PHF5A: variants seen among roughly 807,000 people sequenced by gnomAD.
PHF5A encodes PHD finger-like domain-containing protein 5A.
For synonymous variants in PHF5A, 52 were observed against 46.0 expected (o/e 1.13, Z -0.52); for missense variants, 24 against 140.6 (o/e 0.17, Z 4.19).
intron 2 of PHF5A, 28 bp from the exon 3 acceptor site, chr22:41,467,642 C>T: frequency 6.2e-7 from 1 of 1,612,518 alleles, no homozygotes; most frequent in Non-Finnish European, 8.5e-7. Context: ...GAGTCATGCT[C>T]ACAAGTTCTT....
intron 3 of PHF5A, among the ~76,000 whole-genome samples, chr22:41,465,836 C>T (rs2037862279): frequency 6.6e-6 from 1 of 152,002 alleles, no homozygotes; most frequent in Non-Finnish European, 1.5e-5. Flanking sequence ...GCCGAGATGG[C>T]GCCACTGCAC....
chr22:41,468,098 T>C (rs1438979058), intron 2 of PHF5A, 26 bp downstream of exon 2: 1 of 1,613,110 alleles, frequency 6.2e-7, no homozygotes, highest in Non-Finnish European at 8.5e-7. Flanking sequence ...GAAGGGTGGG[T>C]TGTTGGGACG....
chr22:41,463,168 G>A (rs1191612262), intron 3 of PHF5A, among the ~76,000 whole-genome samples: 1 of 151,704 alleles, frequency 6.6e-6, no homozygotes, highest in East Asian at 1.9e-4. Context: ...CACTGCCCCT[G>A]GCCTACTTAC....
chr22:41,468,457 GCGCGCTCCTACAACACCC>G (rs2037893470), intron 1 of PHF5A, 127 bp downstream of exon 1: 1 of 921,200 alleles, frequency 1.1e-6, no homozygotes, highest in African/African-American at 1.7e-5. Context: ...CCACAAACCT[GCGCGCTCCTACAACACCC>G]CGCGCCTGAG....
chr22:41,468,506 G>T, intron 1 of PHF5A, 96 bp downstream of exon 1: 1 of 1,381,174 alleles, frequency 7.2e-7, no homozygotes, highest in Non-Finnish European at 1.0e-6. Context: ...CGTGGCGCCT[G>T]CGAGGCAAGC....
At chr22:41,462,249 G>T (rs1302068238) in intron 3 of PHF5A, among the ~76,000 whole-genome samples, 1 of 152,120 alleles carries the variant, frequency 6.6e-6, no homozygotes, top group African/African-American at 2.4e-5. Context: ...ACCCTTACAG[G>T]TCTGTTGATT....
intron 3 of PHF5A, among the ~76,000 whole-genome samples, chr22:41,464,522 G>A (rs1273639284): frequency 3.3e-5 from 5 of 152,188 alleles, no homozygotes; most frequent in Non-Finnish European, 5.9e-5. Context: ...CAGAACATTC[G>A]TGTATAATGT....
At chr22:41,461,808 A>G (rs5751107) in intron 3 of PHF5A, among the ~76,000 whole-genome samples, 124,590 of 151,956 alleles carry the variant, frequency 0.82, 52,161 homozygotes, top group African/African-American at 0.95. Flanking sequence ...GAGTACATGC[A>G]CCCGCGACCA....
intron 2 of PHF5A, 99 bp downstream of exon 2, chr22:41,468,025 G>A: frequency 2.3e-6 from 3 of 1,295,404 alleles, no homozygotes; most frequent in Non-Finnish European, 3.3e-6. Context: ...CATACTTCCA[G>A]GCACATCTAC....
chr22:41,460,150 G>C lies in PHF5A; in HGVS notation c.*248C>G, dbSNP rs2037815542. On this transcript the variant is annotated 3_prime_UTR_variant, in exon 4 of 4. Coordinates refer to ENST00000216252, the MANE Select transcript of PHF5A (RefSeq NM_032758.4). ...ACAGATCTTTGCTTCTCGAATTCAA[G>C]AAAAACCATTAACTAATCTATCAAG... 1 of 334,736 alleles carries C rather than the reference G, an allele frequency of 3.0e-6. No individual in the cohort carries two copies. Among genetic ancestry groups the C allele is most frequent in the East Asian group, 4.6e-5 (1 of 21,704 alleles). The allele number at this position is 334,736 out of a possible 1,614,324, so 20.7% of individuals were successfully genotyped here.
At position 41,460,377 on chromosome 22, in the gene PHF5A, G is replaced by A; in HGVS notation, c.*21C>T. 1 of 1,578,310 alleles carries A rather than the reference G, an allele frequency of 6.3e-7. No individual in the cohort carries two copies. The highest frequency in any genetic ancestry group is 8.7e-7 in the Non-Finnish European group (1 of 1,154,648). On this transcript the variant is annotated 3_prime_UTR_variant, in exon 4 of 4. Coordinates refer to ENST00000216252, the MANE Select transcript of PHF5A (RefSeq NM_032758.4). ...AGCTGCAGCAGACTGATGTTGGGGG[G>A]AGGAAGGGGCCACCCACCAATCACC...
chr22:41,462,452 A>G (rs2037833831), intron 3 of PHF5A, among the ~76,000 whole-genome samples: 1 of 152,214 alleles, frequency 6.6e-6, no homozygotes, highest in African/African-American at 2.4e-5. Flanking sequence ...GAGTCATTAC[A>G]TTGAGCACTT....
At chr22:41,460,622 T>C in intron 3 of PHF5A, 135 bp from the exon 4 acceptor site, 1 of 535,720 alleles carries the variant, frequency 1.9e-6, no homozygotes, top group Non-Finnish European at 3.2e-6. Flanking sequence ...GCAGGAGGAT[T>C]GCTGAAGCCC....
chr22:41,462,553 C>T (rs1052940162), intron 3 of PHF5A, among the ~76,000 whole-genome samples: 1 of 152,132 alleles, frequency 6.6e-6, no homozygotes, highest in Non-Finnish European at 1.5e-5. Context: ...ATTTCATGTC[C>T]TCGTAAAAAT....
chr22:41,462,388 A>G (rs934074118), intron 3 of PHF5A, among the ~76,000 whole-genome samples: 2 of 152,206 alleles, frequency 1.3e-5, no homozygotes, highest in South Asian at 4.1e-4. Context: ...CAACAACTAC[A>G]AAAATCTCTG....
At position 41,468,531 on chromosome 22, in the gene PHF5A, C is replaced by G. The variant is rs940327953; in HGVS notation, c.52+71G>C. On this transcript the variant is annotated intron_variant, in intron 1 of 3. Coordinates refer to ENST00000216252, the MANE Select transcript of PHF5A (RefSeq NM_032758.4). ...GCGAGGCAAGCCCCTAAGGAAGAGACGGGAACCCCCGACCCCCCAGCTCCT... is the reference window on the plus strand; with the variant it reads ...GCGAGGCAAGCCCCTAAGGAAGAGAGGGGAACCCCCGACCCCCCAGCTCCT... 31 of 1,535,662 alleles carry G rather than the reference C, an allele frequency of 2.0e-5. No individual in the cohort carries two copies. The African/African-American group carries it at 3.7e-4, about 18-fold the overall frequency.
At chr22:41,465,030 G>C (rs1287366124) in intron 3 of PHF5A, among the ~76,000 whole-genome samples, 1 of 152,200 alleles carries the variant, frequency 6.6e-6, no homozygotes, top group Admixed American at 6.5e-5. Flanking sequence ...ACTAGATTTG[G>C]ATTTTCGGAC....
rs771122548 is a variant in PHF5A, at chr22:41,468,648, A to G, written c.6T>C (p.Ala2=). Residue 2 remains alanine (A), a synonymous_variant, in exon 1 of 4, where the codon GCT becomes GCC. Transcript: ENST00000216252. ...AAAAGATCAAATCAGGATGATGTTT[A>G]GCCATAGCTCCTAACTAAGCCGGCC... M[A]KHHPDLIFCR... is the part of the protein sequence containing the mutation. The G allele has an allele frequency of 3.1e-6, 5 of 1,614,168 alleles. No individual in the cohort carries two copies. The Admixed American group carries it at 5.0e-5, about 16-fold the overall frequency.
chr22:41,465,430 T>G (rs983516341), intron 3 of PHF5A, among the ~76,000 whole-genome samples: 2 of 152,016 alleles, frequency 1.3e-5, no homozygotes, highest in Admixed American at 6.6e-5. Flanking sequence ...CCCAAAGTGC[T>G]GGGATTGCAG....
Sources: allele counts gnomAD v4.1 joint callset (sites outside exome capture counted in the v4.1 genomes callset), GRCh38; gene constraint gnomAD v4.1.1; transcripts MANE v1.5; gene names NCBI Gene and HGNC (gene_info 2026-07-23, HGNC 2026-07-21).